BANK1: variants seen among roughly 807,000 people sequenced by gnomAD.
The protein encoded by BANK1 is B-cell scaffold protein with ankyrin repeats.
BANK1 carries 95 observed loss-of-function variants against 94.5 expected under a neutral mutation model. The ratio of observed to expected loss-of-function variants is 1.00; its 90% CI spans 0.85 to 1.19. The LOEUF is 1.19. Ranked by LOEUF, BANK1 falls within the 50% of genes most tolerant of loss-of-function variation. The pLI is 0.00. For synonymous variants in BANK1, 334 were observed against 308.4 expected, an observed-to-expected ratio of 1.08 and a Z score of -0.87; for missense variants, 987 against 932.2, an observed-to-expected ratio of 1.06 and a Z score of -0.77.
intron 1 of BANK1, among the ~76,000 whole-genome samples, chr4:101,820,576 A>AAATACTGGCC (rs1726104090): frequency 6.6e-6 from 1 of 152,196 alleles, no homozygotes; most frequent in Non-Finnish European, 1.5e-5. Flanking sequence ...TCACCCAGGA[A>AAATACTGGCC]TTAAGGCCAG....
At position 101,931,704 on chromosome 4, in the gene BANK1, T is replaced by C. The variant is rs559656086; in HGVS notation, c.1206+13515T>C. Among the ~76,000 whole-genome samples the C allele has an allele frequency of 2.6e-5, 4 of 151,702 alleles. No individual in the cohort carries two copies. The East Asian group carries it at 7.8e-4, about 30-fold the overall frequency. On this transcript the variant is annotated intron_variant, in intron 7 of 16. Transcript: ENST00000322953. Reference sequence around the variant, plus strand: ...ATTTTAAATCTCTATGACATTTTCTTCCCTCAGTCTTTCAATGGTAAAATC... The same window carrying C: ...ATTTTAAATCTCTATGACATTTTCTCCCCTCAGTCTTTCAATGGTAAAATC...
At chr4:102,047,962 T>C in intron 11 of BANK1, among the ~76,000 whole-genome samples, 1 of 152,186 alleles carries the variant, frequency 6.6e-6, no homozygotes, top group East Asian at 1.9e-4. Flanking sequence ...GACCTAATTA[T>C]GCAATATTGT....
At chr4:101,926,729 A>G (rs1409895036) in intron 7 of BANK1, among the ~76,000 whole-genome samples, 1 of 151,754 alleles carries the variant, frequency 6.6e-6, no homozygotes, top group African/African-American at 2.4e-5. Flanking sequence ...ACAATTTTGA[A>G]ACGAGTAGTC....
At chr4:102,028,956 C>G (rs1727192879) in intron 9 of BANK1, among the ~76,000 whole-genome samples, 1 of 151,676 alleles carries the variant, frequency 6.6e-6, no homozygotes, top group Non-Finnish European at 1.5e-5. Flanking sequence ...GCTCTGTTGC[C>G]CAGTCTGGAG....
intron 6 of BANK1, among the ~76,000 whole-genome samples, chr4:101,908,206 A>G (rs2148896220): frequency 6.6e-6 from 1 of 152,308 alleles, no homozygotes; most frequent in South Asian, 2.1e-4. Context: ...ACCAAAACAG[A>G]GATATAGACC....
At chr4:101,981,869 G>C (rs1725334605) in intron 7 of BANK1, 1 of 152,134 alleles carries the variant, frequency 6.6e-6, no homozygotes, top group African/African-American at 2.4e-5. Context: ...AAATAAGAAG[G>C]CTTCCTGAAA....
chr4:102,000,322 CAAA>C (rs3974642), intron 7 of BANK1, among the ~76,000 whole-genome samples: 77 of 66,088 alleles, frequency 1.2e-3, no homozygotes, highest in African/African-American at 4.3e-3. Flanking sequence ...AACTCTGTCT[CAAA>C]AAAAAAAAAA....
At chr4:101,808,001 C>T (rs1162916878) in intron 1 of BANK1, among the ~76,000 whole-genome samples, 1 of 151,308 alleles carries the variant, frequency 6.6e-6, no homozygotes, top group Non-Finnish European at 1.5e-5. Flanking sequence ...AGGAGAATCG[C>T]TTGAACCCGG....
chr4:101,989,496 A>G (rs573878874), intron 7 of BANK1, among the ~76,000 whole-genome samples: 1 of 151,620 alleles, frequency 6.6e-6, no homozygotes, highest in Non-Finnish European at 1.5e-5. Context: ...GAAAAGTAAT[A>G]TTGATACACT....
In BANK1 at chr4:101,910,472, G is replaced by A. The variant is rs151134801; in HGVS notation, c.1010-7521G>A. 4.0e-3 allele frequency among the ~76,000 whole-genome samples: 602 copies of A among 151,822 alleles called. 4 individuals carry two copies. Among genetic ancestry groups the A allele is most frequent in the African/African-American group, 0.013 (544 of 41,364 alleles). On this transcript the variant is annotated intron_variant, in intron 6 of 16. Coordinates refer to ENST00000322953, the MANE Select transcript of BANK1 (RefSeq NM_017935.5). ...CGAGGCGGGCTGATCACCTGAGGTC[G>A]GGAGTTCGAGACCAGCCTGACCAAC... is the stretch of plus-strand genomic sequence containing the variant.
intron 5 of BANK1, among the ~76,000 whole-genome samples, chr4:101,885,893 C>T (rs4345184): frequency 0.34 from 52,419 of 152,036 alleles, 9,348 homozygotes; most frequent in African/African-American, 0.39. Context: ...AGACCTCAAA[C>T]GTGTATAGAA....
chr4:102,044,680 C>T (rs1300197733), intron 11 of BANK1, among the ~76,000 whole-genome samples: 1 of 91,006 alleles, frequency 1.1e-5, no homozygotes, highest in African/African-American at 4.4e-5. Flanking sequence ...TCTCCACATC[C>T]TCTCCAGCAC....
chr4:101,795,273 G>C (rs576271771), intron 1 of BANK1, among the ~76,000 whole-genome samples: 69 of 152,242 alleles, frequency 4.5e-4, no homozygotes, highest in African/African-American at 1.5e-3. Context: ...TAGTTGATAA[G>C]TAAGGGTGTC....
intron 7 of BANK1, among the ~76,000 whole-genome samples, chr4:102,011,763 G>A (rs1726520158): frequency 6.6e-6 from 1 of 152,076 alleles, no homozygotes; most frequent in Admixed American, 6.6e-5. Context: ...TATATTTTAA[G>A]AGGTTCATTT....
intron 7 of BANK1, among the ~76,000 whole-genome samples, chr4:101,948,066 A>AT (rs2148913157): frequency 6.6e-6 from 1 of 152,256 alleles, no homozygotes; most frequent in East Asian, 1.9e-4. Context: ...TGACACTGCA[A>AT]TTTAACATGT....
At chr4:102,037,578 C>A (rs1195879204) in intron 10 of BANK1, among the ~76,000 whole-genome samples, 1 of 152,156 alleles carries the variant, frequency 6.6e-6, no homozygotes, top group African/African-American at 2.4e-5. Flanking sequence ...TGAAAAGAGT[C>A]TCCCCTAACG....
intron 1 of BANK1, among the ~76,000 whole-genome samples, chr4:101,809,806 GGAAGA>G (rs1240668615): frequency 6.6e-6 from 1 of 152,214 alleles, no homozygotes; most frequent in African/African-American, 2.4e-5. Context: ...CTTTAGGAAA[GGAAGA>G]GAAGGAACTA....
intron 7 of BANK1, among the ~76,000 whole-genome samples, chr4:101,928,843 G>C (rs1177676605): frequency 1.3e-5 from 2 of 151,616 alleles, no homozygotes. Context: ...ATTTGTTCAC[G>C]GCCCATTATA....
intron 10 of BANK1, among the ~76,000 whole-genome samples, chr4:102,039,527 T>C (rs772891522): frequency 8.5e-5 from 13 of 152,080 alleles, no homozygotes; most frequent in Non-Finnish European, 1.6e-4. Flanking sequence ...ATTTAAACAG[T>C]ATAAATTGGG....
Sources: gnomAD v4.1 joint callset for allele counts (sites outside exome capture counted in the v4.1 genomes callset) on GRCh38, gnomAD v4.1.1 for gene constraint, MANE v1.5 for transcripts, NCBI Gene and HGNC (gene_info 2026-07-23, HGNC 2026-07-21) for gene names.